The following TMEM232 variants were observed in gnomAD, a reference collection of about 807,000 sequenced individuals.
TMEM232 encodes the protein transmembrane protein 232.
TMEM232 carries 80 observed loss-of-function variants against 78.8 expected under a neutral mutation model. The observed-to-expected ratio is 1.01, with a 90% confidence interval of 0.85 to 1.22. TMEM232 has a LOEUF of 1.22. Among genes scored for constraint, TMEM232 ranks in the 50% most tolerant of loss-of-function variants. The pLI, the probability that TMEM232 is intolerant of heterozygous loss-of-function variation, is 0.00. For missense variants in TMEM232, 881 were observed against 742.2 expected (o/e 1.19, Z -2.17); for synonymous variants, 297 against 254.3 (o/e 1.17, Z -1.60).
intron 12 of TMEM232, among the ~76,000 whole-genome samples, chr5:110,453,564 G>C (rs1006025493): frequency 4.6e-5 from 7 of 152,176 alleles, no homozygotes; most frequent in Non-Finnish European, 1.0e-4. Context: ...GCCATGCAAA[G>C]TGCTGGGATT....
chr5:110,633,911 C>T (rs2149984439), intron 5 of TMEM232, among the ~76,000 whole-genome samples: 1 of 152,156 alleles, frequency 6.6e-6, no homozygotes, highest in Non-Finnish European at 1.5e-5. Context: ...TGGTTTAATA[C>T]ATTTTTTACA....
At chr5:110,473,789 T>C (rs1381652107) in intron 12 of TMEM232, among the ~76,000 whole-genome samples, 1 of 144,936 alleles carries the variant, frequency 6.9e-6, no homozygotes, top group East Asian at 2.0e-4. Context: ...ATATACCCAA[T>C]GGAATACTAG....
At chr5:110,489,405 T>C (rs1764794794) in intron 12 of TMEM232, among the ~76,000 whole-genome samples, 1 of 152,002 alleles carries the variant, frequency 6.6e-6, no homozygotes, top group Non-Finnish European at 1.5e-5. Flanking sequence ...AACAATGAAC[T>C]AAATGACATG....
intron 1 of TMEM232, among the ~76,000 whole-genome samples, chr5:110,694,962 T>G (rs1043338529): frequency 3.9e-5 from 6 of 152,166 alleles, no homozygotes; most frequent in African/African-American, 1.4e-4. Flanking sequence ...TTAATAGACA[T>G]CTACAGAACT....
At position 110,424,988 on chromosome 5, in the gene TMEM232, C is replaced by G. The variant is rs1459827548; in HGVS notation, c.1704-72G>C. 6 of 1,050,888 alleles carry G rather than the reference C, an allele frequency of 5.7e-6. No individual in the cohort carries two copies. The African/African-American group carries it at 9.8e-5, about 17-fold the overall frequency. The allele number at this position is 1,050,888 out of a possible 1,614,324, so 65.1% of individuals were successfully genotyped here. On this transcript the variant is annotated intron_variant, in intron 12 of 13. Coordinates refer to ENST00000455884, the MANE Select transcript of TMEM232 (RefSeq NM_001039763.4). ...CTATTCCCCAGAAATAGAATTGTAACTAAGCCATAATTTATTATTAAGCAT... is the reference window on the plus strand; with the variant it reads ...CTATTCCCCAGAAATAGAATTGTAAGTAAGCCATAATTTATTATTAAGCAT...
At chr5:110,485,069 GT>G (rs1312966945) in intron 12 of TMEM232, among the ~76,000 whole-genome samples, 1 of 152,156 alleles carries the variant, frequency 6.6e-6, no homozygotes, top group Non-Finnish European at 1.5e-5. Context: ...TATGGAAACA[GT>G]GTGGAGATTC....
At chr5:110,697,821 A>G (rs1044691506) in intron 1 of TMEM232, among the ~76,000 whole-genome samples, 5 of 152,028 alleles carry the variant, frequency 3.3e-5, no homozygotes, top group African/African-American at 9.7e-5. Flanking sequence ...AAATAGGGAC[A>G]CTTTTACACT....
At chr5:110,737,613 G>C (rs148673887) in intron 1 of TMEM232, among the ~76,000 whole-genome samples, 3 of 152,228 alleles carry the variant, frequency 2.0e-5, no homozygotes, top group African/African-American at 7.2e-5. Flanking sequence ...AATTAGTAAA[G>C]GACTTTTTAT....
chr5:110,585,530 CA>C (rs1778707951), intron 10 of TMEM232, among the ~76,000 whole-genome samples: 1 of 152,050 alleles, frequency 6.6e-6, no homozygotes, highest in Non-Finnish European at 1.5e-5. Context: ...TCTTAGACCG[CA>C]AAATATGCCT....
At chr5:110,618,629 G>T in intron 7 of TMEM232, 67 bp from the exon 8 acceptor site, 2 of 1,382,802 alleles carry the variant, frequency 1.4e-6, no homozygotes, top group South Asian at 1.4e-5. Context: ...ACTCTGACTT[G>T]AACAAACATG....
intron 12 of TMEM232, among the ~76,000 whole-genome samples, chr5:110,500,909 T>C (rs573954697): frequency 7.2e-5 from 11 of 152,320 alleles, no homozygotes; most frequent in South Asian, 6.2e-4. Context: ...GATATATAAA[T>C]AGTTCTTCCA....
chr5:110,416,874 T>C (rs1756236069), downstream of TMEM232, among the ~76,000 whole-genome samples: 1 of 152,192 alleles, frequency 6.6e-6, no homozygotes, highest in Admixed American at 6.5e-5. Context: ...TAAATGTCTA[T>C]TTGGTATACC....
At chr5:110,504,855 T>C (rs754719119) in intron 12 of TMEM232, among the ~76,000 whole-genome samples, 2 of 152,206 alleles carry the variant, frequency 1.3e-5, no homozygotes, top group African/African-American at 2.4e-5. Flanking sequence ...ATAGTAATGT[T>C]TGACCAAATA....
intron 2 of TMEM232, among the ~76,000 whole-genome samples, chr5:110,643,483 G>GT (rs1787037457): frequency 6.6e-6 from 1 of 152,036 alleles, no homozygotes; most frequent in African/African-American, 2.4e-5. Flanking sequence ...TAAGTTGAAA[G>GT]TGTATGCAAG....
intron 2 of TMEM232, among the ~76,000 whole-genome samples, chr5:110,649,385 A>G (rs1787974129): frequency 6.6e-6 from 1 of 152,112 alleles, no homozygotes; most frequent in Non-Finnish European, 1.5e-5. Flanking sequence ...ATTTATAATA[A>G]TTCATTAATC....
At chr5:110,414,437 TTCTA>T (rs1372138887) in intron 2 of TMEM232, among the ~76,000 whole-genome samples, 1 of 152,160 alleles carries the variant, frequency 6.6e-6, no homozygotes, top group Non-Finnish European at 1.5e-5. Context: ...ATATCTCTAA[TTCTA>T]TCTCTATCTA....
intron 11 of TMEM232, among the ~76,000 whole-genome samples, chr5:110,558,206 C>T (rs1775328646): frequency 6.6e-6 from 1 of 152,096 alleles, no homozygotes; most frequent in African/African-American, 2.4e-5. Context: ...CTGGCAACAT[C>T]ATTCTGATGG....
chr5:110,625,403 T>C lies in TMEM232; in HGVS notation c.632A>G (p.Lys211Arg), dbSNP rs540597122. Residue 211 changes from lysine to arginine, a missense_variant, in exon 7 of 14, where the codon AAG becomes AGG. Transcript: ENST00000455884. ...CACATTTGAAAAGATGTTTGGATAC[T>C]TGTGATATGATGCTCCAGAGAAAGA... Reference protein sequence around the residue: ...ALSFSGASYHKYPNIFSNVQF... With the variant: ...ALSFSGASYHRYPNIFSNVQF... 22 of 1,539,172 alleles carry C rather than the reference T, an allele frequency of 1.4e-5. No homozygotes were observed. The South Asian group carries it at 2.7e-4, about 19-fold the overall frequency.
chr5:110,708,525 C>T (rs1282836943), intron 1 of TMEM232, among the ~76,000 whole-genome samples: 1 of 151,958 alleles, frequency 6.6e-6, no homozygotes, highest in Non-Finnish European at 1.5e-5. Context: ...ACAATAACTA[C>T]AAAACTTTTT....
Sources: gnomAD v4.1 joint callset for allele counts (sites outside exome capture counted in the v4.1 genomes callset) on GRCh38, gnomAD v4.1.1 for gene constraint, MANE v1.5 for transcripts, NCBI Gene and HGNC (gene_info 2026-07-23, HGNC 2026-07-21) for gene names.